Variants in TRPS1 observed in about 807,000 individuals in gnomAD.
TRPS1 encodes the protein zinc finger transcription factor Trps1.
Under a neutral mutation model 101.2 loss-of-function variants are expected in TRPS1, and 6 were observed. The observed-to-expected ratio is 0.06, with a 90% CI of 0.03 to 0.12. The LOEUF is 0.12. TRPS1 is among the 10% of genes least tolerant of loss of function. The pLI is 1.00. For synonymous variants in TRPS1, 578 were observed against 589.8 expected (o/e 0.98, Z 0.29); for missense variants, 1,363 against 1,567.0 (o/e 0.87, Z 2.20).
At chr8:115,506,225 A>G (rs999076526) in intron 5 of TRPS1, among the ~76,000 whole-genome samples, 24 of 152,000 alleles carry the variant, frequency 1.6e-4, no homozygotes, top group Non-Finnish European at 7.4e-5. Context: ...TTTGTAGGGG[A>G]AAAAATGGGG....
At chr8:115,421,743 G>A (rs766078027) in intron 5 of TRPS1, among the ~76,000 whole-genome samples, 3 of 152,174 alleles carry the variant, frequency 2.0e-5, no homozygotes, top group East Asian at 1.9e-4. Context: ...AGTGGGTAGT[G>A]TCCTGAGCTG....
chr8:115,549,508 A>G (rs1326809326), intron 5 of TRPS1, among the ~76,000 whole-genome samples: 1 of 152,136 alleles, frequency 6.6e-6, no homozygotes, highest in African/African-American at 2.4e-5. Context: ...GTACTCCAAT[A>G]TCAAAGATGG....
At chr8:115,525,170 T>C (rs1489031029) in intron 5 of TRPS1, among the ~76,000 whole-genome samples, 3 of 152,202 alleles carry the variant, frequency 2.0e-5, no homozygotes, top group Non-Finnish European at 4.4e-5. Flanking sequence ...TGGCATACTC[T>C]GGATTTAGTG....
At chr8:115,632,807 A>G (rs1449226894) in intron 1 of TRPS1, among the ~76,000 whole-genome samples, 1 of 152,174 alleles carries the variant, frequency 6.6e-6, no homozygotes, top group African/African-American at 2.4e-5. Flanking sequence ...AGCAGTCAGG[A>G]GAGTGACTGA....
intron 1 of TRPS1, among the ~76,000 whole-genome samples, chr8:115,663,858 C>T (rs1178001837): frequency 6.6e-6 from 1 of 151,844 alleles, no homozygotes; most frequent in Non-Finnish European, 1.5e-5. Context: ...ACCTGTAGAT[C>T]CTACTGCACC....
chr8:115,461,995 A>G (rs1381071104), intron 5 of TRPS1, among the ~76,000 whole-genome samples: 3 of 152,298 alleles, frequency 2.0e-5, no homozygotes, highest in South Asian at 4.1e-4. Flanking sequence ...CTGTTTACCT[A>G]TCTTCAACAC....
chr8:115,582,366 G>T (rs771138182), intron 5 of TRPS1, among the ~76,000 whole-genome samples: 2 of 152,130 alleles, frequency 1.3e-5, no homozygotes, highest in South Asian at 2.1e-4. Flanking sequence ...GTCCCCAAAA[G>T]AACATTTTTG....
At position 115,413,909 on chromosome 8, in the gene TRPS1, G is replaced by C; in HGVS notation, c.*114C>G. On this transcript the variant is annotated 3_prime_UTR_variant, in exon 7 of 7. Coordinates refer to ENST00000395715, the MANE Select transcript of TRPS1 (RefSeq NM_014112.5). ...AACAAAAGAAGGGAATTTCATGTTG[G>C]ATAAGGCAGGCTCTATGAAGTATTT... 1 of 1,035,740 alleles carries C rather than the reference G, an allele frequency of 9.7e-7. No homozygotes were observed. The highest frequency in any genetic ancestry group is 2.6e-5 in the East Asian group (1 of 39,114). The allele number at this position is 1,035,740 out of a possible 1,614,324, so 64.2% of individuals were successfully genotyped here. A position where few individuals can be genotyped will look rare whatever the true frequency, so the allele number is the denominator to read the frequency against.
chr8:115,662,132 G>T (rs897622948), intron 1 of TRPS1, among the ~76,000 whole-genome samples: 11 of 151,906 alleles, frequency 7.2e-5, no homozygotes, highest in Admixed American at 3.9e-4. Context: ...CCTACGATTT[G>T]AACTAGAGTC....
chr8:115,607,455 T>C (rs1818066528), intron 3 of TRPS1, among the ~76,000 whole-genome samples: 1 of 150,580 alleles, frequency 6.6e-6, no homozygotes, highest in African/African-American at 2.4e-5. Flanking sequence ...CCAGGGAAAA[T>C]GTGCCAACTT....
intron 5 of TRPS1, among the ~76,000 whole-genome samples, chr8:115,478,124 C>G (rs183701470): frequency 6.6e-6 from 1 of 152,246 alleles, no homozygotes; most frequent in African/African-American, 2.4e-5. Flanking sequence ...AAATTCTGAT[C>G]TATATTGCCA....
chr8:115,457,647 AT>A (rs1335076750), intron 5 of TRPS1, among the ~76,000 whole-genome samples: 2 of 152,230 alleles, frequency 1.3e-5, no homozygotes, highest in African/African-American at 4.8e-5. Flanking sequence ...AAAATAATAA[AT>A]TAAAAAATAT....
intron 3 of TRPS1, among the ~76,000 whole-genome samples, chr8:115,618,454 T>TA (rs1818317616): frequency 6.6e-6 from 1 of 152,162 alleles, no homozygotes; most frequent in Admixed American, 6.5e-5. Context: ...TTAATAAAAG[T>TA]AAAAATCTAA....
At chr8:115,595,577 A>G (rs535680561) in intron 4 of TRPS1, among the ~76,000 whole-genome samples, 1 of 152,056 alleles carries the variant, frequency 6.6e-6, no homozygotes, top group African/African-American at 2.4e-5. Context: ...TTCAAGTGGT[A>G]GAAAAAACAC....
At chr8:115,476,080 G>A (rs1482241687) in intron 5 of TRPS1, among the ~76,000 whole-genome samples, 1 of 59,380 alleles carries the variant, frequency 1.7e-5, no homozygotes, top group Non-Finnish European at 2.6e-5. Flanking sequence ...GTGCAGTGGC[G>A]GGATCTCGGC....
chr8:115,637,486 C>T (rs945292178), intron 1 of TRPS1, among the ~76,000 whole-genome samples: 3 of 152,138 alleles, frequency 2.0e-5, no homozygotes, highest in African/African-American at 4.8e-5. Context: ...CCAGAAATAT[C>T]GCACAGGTTC....
At chr8:115,657,156 T>C (rs1378378455) in intron 1 of TRPS1, among the ~76,000 whole-genome samples, 1 of 152,136 alleles carries the variant, frequency 6.6e-6, no homozygotes, top group East Asian at 1.9e-4. Context: ...AACATAAAAC[T>C]GTCAGTTTCC....
At chr8:115,590,065 C>G (rs1025897405) in intron 4 of TRPS1, among the ~76,000 whole-genome samples, 1 of 151,994 alleles carries the variant, frequency 6.6e-6, no homozygotes, top group African/African-American at 2.4e-5. Context: ...TGCAGTGAGC[C>G]GAGATCACGA....
In TRPS1 at chr8:115,541,021, T is replaced by C. The variant is rs920270545; in HGVS notation, c.2700+45980A>G. ...GAAGAACTTCCTTTTCATTCTCAGA[T>C]TTTATACACTTATATAATATTTAAT... On this transcript the variant is annotated intron_variant, in intron 5 of 6. Coordinates refer to ENST00000395715, the MANE Select transcript of TRPS1 (RefSeq NM_014112.5). Among the ~76,000 whole-genome samples the C allele has an allele frequency of 3.3e-5, 5 of 152,254 alleles. No individual in the cohort carries two copies. In the South Asian group the frequency reaches 6.2e-4, roughly 19 times the overall value.
Sources: allele counts gnomAD v4.1 joint callset (sites outside exome capture counted in the v4.1 genomes callset), GRCh38; gene constraint gnomAD v4.1.1; transcripts MANE v1.5; gene names NCBI Gene and HGNC (gene_info 2026-07-23, HGNC 2026-07-21).